Variants in AUTS2 observed in about 807,000 individuals in gnomAD.
AUTS2 encodes the protein activator of transcription and developmental regulator AUTS2.
Under a neutral mutation model 112.4 loss-of-function variants are expected in AUTS2, and 17 were observed. The observed-to-expected ratio is 0.15, with a 90% CI of 0.10 to 0.23. The LOEUF is 0.23. Ranked by LOEUF, AUTS2 falls within the 10% of genes least tolerant of loss-of-function variation. The probability of loss-of-function intolerance (pLI) is 1.00; values close to 1 mark genes in which losing one functional copy is unlikely to be tolerated. For missense variants in AUTS2, 1,510 were observed against 1,701.6 expected (o/e 0.89, Z 1.98); for synonymous variants, 751 against 702.7 (o/e 1.07, Z -1.09).
At chr7:69,845,012 A>T (rs942746494) in intron 1 of AUTS2, among the ~76,000 whole-genome samples, 4 of 152,182 alleles carry the variant, frequency 2.6e-5, no homozygotes, top group African/African-American at 9.7e-5. Flanking sequence ...CCATCTAACA[A>T]AGTATGGTGG....
intron 4 of AUTS2, among the ~76,000 whole-genome samples, chr7:70,250,002 G>T (rs1786511096): frequency 6.6e-6 from 1 of 150,376 alleles, no homozygotes. Context: ...TTTGATGCAA[G>T]AACAAAATAT....
At chr7:69,622,348 T>C (rs191085180) in intron 1 of AUTS2, among the ~76,000 whole-genome samples, 5 of 152,202 alleles carry the variant, frequency 3.3e-5, no homozygotes, top group African/African-American at 1.2e-4. Context: ...TATGGTTATA[T>C]CTAAAACGAG....
chr7:69,660,672 C>T (rs906955180), intron 1 of AUTS2, among the ~76,000 whole-genome samples: 2 of 152,168 alleles, frequency 1.3e-5, no homozygotes, highest in Non-Finnish European at 2.9e-5. Flanking sequence ...GGCATGGTGG[C>T]CTGTAATCCC....
chr7:70,028,015 G>A (rs1800599586), intron 2 of AUTS2, among the ~76,000 whole-genome samples: 1 of 152,100 alleles, frequency 6.6e-6, no homozygotes, highest in African/African-American at 2.4e-5. Context: ...TGAGGTGATA[G>A]GCTTCTGCAC....
chr7:70,204,268 G>GTTCTCA lies in AUTS2; in HGVS notation c.660+69698_660+69703dup, dbSNP rs1469700883. Among the ~76,000 whole-genome samples the GTTCTCA allele has an allele frequency of 7.9e-5, 12 of 152,228 alleles. 1 individual carries two copies. The East Asian group carries it at 2.3e-3, about 29-fold the overall frequency. ...ATATATATTCAGTATTTTAACCAGA[G>GTTCTCA]TTCTCACTGCTGTGTTCCCACATTG... On this transcript the variant is annotated intron_variant, in intron 4 of 18. Coordinates refer to ENST00000342771, the MANE Select transcript of AUTS2 (RefSeq NM_015570.4).
intron 4 of AUTS2, among the ~76,000 whole-genome samples, chr7:70,303,439 T>TACACACACACAC (rs371608891): frequency 2.8e-5 from 4 of 143,184 alleles, no homozygotes; most frequent in African/African-American, 1.0e-4. Context: ...CGCGCGCACA[T>TACACACACACAC]ACACACACAC....
At chr7:70,217,614 C>T (rs1347950996) in intron 4 of AUTS2, among the ~76,000 whole-genome samples, 4 of 152,072 alleles carry the variant, frequency 2.6e-5, no homozygotes, top group South Asian at 4.1e-4. Flanking sequence ...TTTGGAAGGT[C>T]GACATGAGGT....
At chr7:69,942,291 G>A (rs369613914) in intron 2 of AUTS2, among the ~76,000 whole-genome samples, 1 of 152,142 alleles carries the variant, frequency 6.6e-6, no homozygotes, top group South Asian at 2.1e-4. Context: ...ATCTTAGGAG[G>A]ATAAATGAAC....
chr7:70,481,023 A>C (rs1312292966), intron 5 of AUTS2, among the ~76,000 whole-genome samples: 1 of 152,176 alleles, frequency 6.6e-6, no homozygotes, highest in Non-Finnish European at 1.5e-5. Flanking sequence ...GTTTAGTGAG[A>C]GTTGAAGGCT....
intron 4 of AUTS2, among the ~76,000 whole-genome samples, chr7:70,191,646 A>C (rs2129583265): frequency 6.6e-6 from 1 of 152,348 alleles, no homozygotes; most frequent in South Asian, 2.1e-4. Context: ...AAGATGATTA[A>C]CAGATTTGTT....
At chr7:69,771,845 C>T (rs1207899603) in intron 1 of AUTS2, among the ~76,000 whole-genome samples, 1 of 150,624 alleles carries the variant, frequency 6.6e-6, no homozygotes, top group African/African-American at 2.5e-5. Context: ...AGTGCAATGG[C>T]GCGATCTCGG....
At chr7:70,637,836 T>C (rs1859574) in intron 5 of AUTS2, among the ~76,000 whole-genome samples, 125,230 of 152,160 alleles carry the variant, frequency 0.82, 51,824 homozygotes, top group African/African-American at 0.9. Context: ...CTGATTACTA[T>C]AAAGGCACAG....
intron 10 of AUTS2, among the ~76,000 whole-genome samples, chr7:70,769,503 G>A (rs982088808): frequency 7.9e-5 from 12 of 152,300 alleles, no homozygotes; most frequent in Non-Finnish European, 1.8e-4. Context: ...GGCTAACACG[G>A]TGAAACCCCG....
chr7:69,941,738 G>T (rs1045382958), intron 2 of AUTS2, among the ~76,000 whole-genome samples: 6 of 152,124 alleles, frequency 3.9e-5, no homozygotes, highest in African/African-American at 1.4e-4. Context: ...GTTTATGGGG[G>T]CAGGGATTAC....
intron 5 of AUTS2, among the ~76,000 whole-genome samples, chr7:70,669,020 A>T (rs749387061): frequency 3.3e-5 from 5 of 152,258 alleles, no homozygotes; most frequent in African/African-American, 1.2e-4. Flanking sequence ...TTCTGATACA[A>T]GCAGTCCCCT....
chr7:70,666,054 C>G (rs146820704), intron 5 of AUTS2, among the ~76,000 whole-genome samples: 1 of 152,060 alleles, frequency 6.6e-6, no homozygotes, highest in Non-Finnish European at 1.5e-5. Context: ...GATAAGGTGC[C>G]GTGACAGATT....
chr7:70,288,909 C>T (rs112500866), intron 4 of AUTS2, among the ~76,000 whole-genome samples: 1 of 152,154 alleles, frequency 6.6e-6, no homozygotes, highest in African/African-American at 2.4e-5. Context: ...AAGCGTAATA[C>T]ATCATGAATG....
intron 2 of AUTS2, among the ~76,000 whole-genome samples, chr7:70,084,519 G>A (rs1238650440): frequency 6.6e-6 from 1 of 152,158 alleles, no homozygotes; most frequent in African/African-American, 2.4e-5. Flanking sequence ...GAGTCCCATT[G>A]TTTCCATATC....
intron 2 of AUTS2, among the ~76,000 whole-genome samples, chr7:70,102,115 C>CTTTTT (rs537710268): frequency 7.9e-6 from 1 of 127,164 alleles, no homozygotes; most frequent in African/African-American, 2.9e-5. Context: ...GCAGTGTTTA[C>CTTTTT]TTTTTTTTTT....
Sources: allele counts gnomAD v4.1 joint callset (sites outside exome capture counted in the v4.1 genomes callset), GRCh38; gene constraint gnomAD v4.1.1; transcripts MANE v1.5; gene names NCBI Gene and HGNC (gene_info 2026-07-23, HGNC 2026-07-21).